Variants in SETBP1 observed in about 807,000 individuals in gnomAD.
The protein encoded by SETBP1 is SET-binding protein.
A neutral mutation model predicts 101.0 loss-of-function variants in SETBP1; 9 were observed. That is an observed-to-expected ratio of 0.09 (90% CI 0.05 to 0.16). SETBP1 has a LOEUF of 0.16. Ranked by LOEUF, SETBP1 falls within the 10% of genes least tolerant of loss-of-function variation. The probability of loss-of-function intolerance (pLI) is 1.00; values close to 1 mark genes in which losing one functional copy is unlikely to be tolerated. For missense variants in SETBP1, 1,858 were observed against 2,033.8 expected, an observed-to-expected ratio of 0.91 and a Z score of 1.66; for synonymous variants, 818 against 788.5, an observed-to-expected ratio of 1.04 and a Z score of -0.63.
intron 3 of SETBP1, among the ~76,000 whole-genome samples, chr18:44,937,896 A>G (rs118044201): frequency 0.028 from 4,301 of 152,212 alleles, 76 homozygotes; most frequent in Middle Eastern, 0.065. Context: ...CCCCCGTCCC[A>G]TAGTTGAAGT....
chr18:45,061,889 G>A (rs750971296), intron 5 of SETBP1, among the ~76,000 whole-genome samples: 48 of 152,300 alleles, frequency 3.2e-4, no homozygotes, highest in Non-Finnish European at 5.0e-4. Flanking sequence ...GGCTCCTTTC[G>A]GGTTGAACAT....
At chr18:44,774,607 T>C (rs1224714244) in intron 2 of SETBP1, among the ~76,000 whole-genome samples, 4 of 152,092 alleles carry the variant, frequency 2.6e-5, no homozygotes, top group Admixed American at 2.6e-4. Flanking sequence ...AGTAGATGAT[T>C]TGTGGATAGG....
At chr18:44,770,240 T>C (rs1007502745) in intron 2 of SETBP1, among the ~76,000 whole-genome samples, 13 of 152,206 alleles carry the variant, frequency 8.5e-5, no homozygotes, top group African/African-American at 3.1e-4. Context: ...ATGGCTAGCA[T>C]GTTTGGATGA....
chr18:44,881,458 A>G (rs1304367683), intron 3 of SETBP1, among the ~76,000 whole-genome samples: 3 of 152,228 alleles, frequency 2.0e-5, no homozygotes, highest in Admixed American at 6.5e-5. Flanking sequence ...AATCAGCTAA[A>G]CAAGAGCTGG....
chr18:44,939,932 T>C (rs527638475), intron 3 of SETBP1, among the ~76,000 whole-genome samples: 1 of 152,220 alleles, frequency 6.6e-6, no homozygotes, highest in Non-Finnish European at 1.5e-5. Context: ...AGATGAAACC[T>C]CTGGTGGGTT....
intron 2 of SETBP1, among the ~76,000 whole-genome samples, chr18:44,839,817 A>C (rs984150290): frequency 1.4e-4 from 21 of 152,376 alleles, no homozygotes; most frequent in African/African-American, 5.0e-4. Flanking sequence ...ATAGATGGAC[A>C]GATAAAGGAG....
intron 5 of SETBP1, among the ~76,000 whole-genome samples, chr18:45,055,427 C>A (rs528415493): frequency 1.3e-5 from 2 of 152,052 alleles, no homozygotes; most frequent in Non-Finnish European, 2.9e-5. Flanking sequence ...TTTTAAATTT[C>A]ATTTTACCTA....
intron 3 of SETBP1, among the ~76,000 whole-genome samples, chr18:44,888,402 C>G (rs1367112859): frequency 6.6e-6 from 1 of 151,882 alleles, no homozygotes; most frequent in Non-Finnish European, 1.5e-5. Flanking sequence ...TTTCAGGATC[C>G]CAAGAAGTAG....
chr18:44,895,401 A>G (rs939234433), intron 3 of SETBP1, among the ~76,000 whole-genome samples: 3 of 152,070 alleles, frequency 2.0e-5, no homozygotes, highest in Non-Finnish European at 2.9e-5. Context: ...GGGAAAATCT[A>G]AGAGCTGTAG....
At chr18:44,691,532 G>A (rs1022908834) in intron 1 of SETBP1, among the ~76,000 whole-genome samples, 3 of 152,202 alleles carry the variant, frequency 2.0e-5, no homozygotes, top group Non-Finnish European at 4.4e-5. Flanking sequence ...CTGTTGTGTT[G>A]TGTTATTGGT....
At position 44,952,761 on chromosome 18, in the gene SETBP1, A is replaced by G. The variant is rs371402739; in HGVS notation, c.3421A>G (p.Ser1141Gly). ...SLNPPKVGSA[S>G]LSSGRLHKRK... ...GAACCCTCCCAAGGTAGGCAGTGCC[A>G]GTCTGTCCAGTGGTCGGCTCCATAA... is the stretch of plus-strand genomic sequence containing the variant. Residue 1141 changes from serine (S) to glycine (G), a missense_variant, in exon 4 of 6, where the codon AGT (serine) becomes GGT (glycine). Coordinates refer to ENST00000649279, the MANE Select transcript of SETBP1 (RefSeq NM_015559.3). 3 of 1,614,150 alleles carry G rather than the reference A, an allele frequency of 1.9e-6. No individual in the cohort carries two copies. The highest frequency in any genetic ancestry group is 2.5e-6 in the Non-Finnish European group (3 of 1,180,016).
chr18:44,986,673 T>C (rs1255884936), intron 4 of SETBP1: 6 of 151,778 alleles, frequency 4.0e-5, no homozygotes, highest in Non-Finnish European at 8.8e-5. Context: ...CACAAACAGA[T>C]ACATTCACCT....
At chr18:44,916,275 C>T (rs2070425117) in intron 3 of SETBP1, among the ~76,000 whole-genome samples, 1 of 152,134 alleles carries the variant, frequency 6.6e-6, no homozygotes, top group South Asian at 2.1e-4. Context: ...AATCATCCTT[C>T]TTATTGATGC....
At chr18:44,920,663 G>A (rs1320421534) in intron 3 of SETBP1, among the ~76,000 whole-genome samples, 2 of 152,106 alleles carry the variant, frequency 1.3e-5, no homozygotes, top group Admixed American at 1.3e-4. Context: ...GTCATCAGTG[G>A]TTGTCCACTG....
intron 4 of SETBP1, among the ~76,000 whole-genome samples, chr18:44,958,555 C>T (rs944287713): frequency 6.6e-6 from 1 of 152,040 alleles, no homozygotes; most frequent in Non-Finnish European, 1.5e-5. Context: ...CTGATGAGCA[C>T]ACTGAGGCTT....
At chr18:44,845,650 G>T (rs993275970) in intron 2 of SETBP1, among the ~76,000 whole-genome samples, 2 of 152,202 alleles carry the variant, frequency 1.3e-5, no homozygotes, top group African/African-American at 4.8e-5. Context: ...GATGCTCTCT[G>T]CCCTGCAGCT....
At chr18:44,913,552 G>A (rs970126486) in intron 3 of SETBP1, among the ~76,000 whole-genome samples, 1 of 152,242 alleles carries the variant, frequency 6.6e-6, no homozygotes, top group East Asian at 1.9e-4. Flanking sequence ...ACTTGAACAT[G>A]TAGGGCACGA....
intron 2 of SETBP1, among the ~76,000 whole-genome samples, chr18:44,702,926 A>C (rs1407788632): frequency 1.3e-5 from 2 of 152,228 alleles, no homozygotes; most frequent in Non-Finnish European, 2.9e-5. Context: ...TTTCCTCCTA[A>C]AAGTCAAACA....
intron 2 of SETBP1, among the ~76,000 whole-genome samples, chr18:44,729,062 G>T (rs1338336830): frequency 6.6e-6 from 1 of 152,206 alleles, no homozygotes; most frequent in East Asian, 1.9e-4. Context: ...ACAGATCAGG[G>T]AACTGAGGCA....
Sources: allele counts gnomAD v4.1 joint callset (sites outside exome capture counted in the v4.1 genomes callset), GRCh38; gene constraint gnomAD v4.1.1; transcripts MANE v1.5; gene names NCBI Gene and HGNC (gene_info 2026-07-23, HGNC 2026-07-21).